Variants in EML1 observed in about 807,000 individuals in gnomAD.
EML1 encodes the protein echinoderm microtubule-associated protein-like 1.
EML1 carries 27 observed loss-of-function variants against 110.4 expected under a neutral mutation model. The ratio of observed to expected loss-of-function variants is 0.24; its 90% CI spans 0.18 to 0.34. EML1 has a LOEUF of 0.34. Ranked by LOEUF, EML1 falls within the 10% of genes least tolerant of loss-of-function variation. The pLI is 1.00. For synonymous variants in EML1, 344 were observed against 385.8 expected (o/e 0.89, Z 1.27); for missense variants, 741 against 1,030.9 (o/e 0.72, Z 3.85).
Position 99,914,676 on chromosome 14 carries a change from C to T in EML1, c.1731C>T (p.Pro577=), listed in dbSNP as rs371443414. The change falls in exon 15 of 22, where the codon CCC becomes CCT. Residue 577 remains proline (P), a synonymous_variant. Coordinates refer to ENST00000262233, the MANE Select transcript of EML1 (RefSeq NM_004434.3). ...ATLWDAVGHR[P]VWDKIIEDPA... Reference sequence around the variant, plus strand: ...TCTGGGACGCTGTGGGTCACCGTCCCGTCTGGGACAAAATAATAGAGGTAA... The same window carrying T: ...TCTGGGACGCTGTGGGTCACCGTCCTGTCTGGGACAAAATAATAGAGGTAA... 5.5e-5 allele frequency: 89 copies of T among 1,607,722 alleles called. No homozygotes were observed. Among genetic ancestry groups the T allele is most frequent in the Non-Finnish European group, 6.9e-5 (81 of 1,178,780 alleles).
chr14:99,751,428 A>G (rs998804800), intron 1 of EML1, among the ~76,000 whole-genome samples: 2 of 152,182 alleles, frequency 1.3e-5, no homozygotes, highest in Non-Finnish European at 1.5e-5. Flanking sequence ...ACTAACATTT[A>G]CTGATCAGCT....
rs1412367457 is a variant in EML1, at chr14:99,743,574, A to G, written c.28+5714A>G. 2.0e-5 allele frequency among the ~76,000 whole-genome samples: 3 copies of G among 152,162 alleles called. No homozygotes were observed. The South Asian group carries it at 6.2e-4, about 32-fold the overall frequency. On this transcript the variant is annotated intron_variant, in intron 1 of 10. Transcript: ENST00000554479. ...GCACCCACCCGCTTATCTGTTATCCATCCACAGGCCAGCACGTGGCTCTGC... is the reference window on the plus strand; with the variant it reads ...GCACCCACCCGCTTATCTGTTATCCGTCCACAGGCCAGCACGTGGCTCTGC...
upstream of EML1, chr14:99,793,327 C>G (rs2057703687): frequency 4.1e-6 from 4 of 980,728 alleles, no homozygotes; most frequent in South Asian, 1.4e-4. Flanking sequence ...GGCGGCGGGC[C>G]CGGGGTTGCC....
intron 1 of EML1, among the ~76,000 whole-genome samples, chr14:99,747,091 G>A (rs1483531126): frequency 6.6e-6 from 1 of 151,470 alleles, no homozygotes; most frequent in Non-Finnish European, 1.5e-5. Context: ...AGAAGGCTGA[G>A]GGAGGAGAAT....
chr14:99,824,602 T>C (rs79527688), intron 1 of EML1, among the ~76,000 whole-genome samples: 4,813 of 149,230 alleles, frequency 0.032, 83 homozygotes, highest in African/African-American at 0.047. Flanking sequence ...TTTTTTTTCT[T>C]CTTGTAAAAA....
At position 99,865,624 on chromosome 14, in the gene EML1, A is replaced by G. The variant is rs1306518140; in HGVS notation, c.361A>G (p.Thr121Ala). The part of the protein sequence containing the change: ...LPSPSGVRKE[T>A]AVPATKSNIK... Reference sequence around the variant, plus strand: ...ATCCCCCTCCGGGGTCAGGAAAGAAACTGCTGTGCCAGCAACCAAAAGGTG... The same window carrying G: ...ATCCCCCTCCGGGGTCAGGAAAGAAGCTGCTGTGCCAGCAACCAAAAGGTG... Residue 121 changes from threonine to alanine, a missense_variant, in exon 3 of 22, where the codon ACT becomes GCT. Around this residue, in one of 4 missense-constraint regions of EML1, gnomAD observed 226 missense variants for 255.6 expected, o/e 0.88. Transcript: ENST00000262233. The G allele has an allele frequency of 1.2e-6, 2 of 1,613,992 alleles. No individual in the cohort carries two copies. Among genetic ancestry groups the G allele is most frequent in the African/African-American group, 2.7e-5 (2 of 74,942 alleles).
At chr14:99,901,413 C>G (rs545816575) in intron 9 of EML1, among the ~76,000 whole-genome samples, 5 of 152,178 alleles carry the variant, frequency 3.3e-5, no homozygotes, top group African/African-American at 1.2e-4. Flanking sequence ...GGGTCCCGAT[C>G]CAGACCCCAA....
chr14:99,928,032 GTGGTGGTGGTGA>G (rs2060284430), intron 17 of EML1, among the ~76,000 whole-genome samples: 1 of 144,508 alleles, frequency 6.9e-6, no homozygotes, highest in Non-Finnish European at 1.5e-5. Flanking sequence ...GGTGGTGGTG[GTGGTGGTGGTGA>G]TGGTGATGGT....
At chr14:99,857,935 C>A (rs1043844639) in intron 2 of EML1, among the ~76,000 whole-genome samples, 1 of 152,062 alleles carries the variant, frequency 6.6e-6, no homozygotes, top group African/African-American at 2.4e-5. Context: ...ACTCCTAGAC[C>A]CATGCCTAAG....
chr14:99,910,213 A>G (rs764492468), intron 11 of EML1, 29 bp from the exon 12 acceptor site: 4 of 1,430,122 alleles, frequency 2.8e-6, no homozygotes, highest in African/African-American at 2.9e-5. Flanking sequence ...GATTAAATAT[A>G]TATATAATTT....
In EML1 at chr14:99,897,268, C is replaced by T. The variant is rs572848821; in HGVS notation, c.801C>T (p.Tyr267=). ...TGGAGGAGCAACTGCAGAGGCATTA[C>T]GCTGGCCACAACGATGACGTGAAGT... ...YNVEEQLQRH[Y]AGHNDDVKCL... Residue 267 remains tyrosine (Y), a synonymous_variant, in exon 7 of 22, where the codon TAC becomes TAT. Coordinates refer to ENST00000262233, the MANE Select transcript of EML1 (RefSeq NM_004434.3). 13 of 1,611,448 alleles carry T rather than the reference C, an allele frequency of 8.1e-6. No homozygotes were observed. The highest frequency in any genetic ancestry group is 3.4e-5 in the Admixed American group (2 of 59,494).
At chr14:99,865,236 A>G (rs189630168) in intron 2 of EML1, among the ~76,000 whole-genome samples, 11 of 152,338 alleles carry the variant, frequency 7.2e-5, no homozygotes, top group Admixed American at 4.6e-4. Context: ...TTAGATTCTC[A>G]TAAGGAATGC....
intron 1 of EML1, among the ~76,000 whole-genome samples, chr14:99,832,262 C>T (rs2058469950): frequency 6.6e-6 from 1 of 152,110 alleles, no homozygotes; most frequent in Non-Finnish European, 1.5e-5. Flanking sequence ...GTTTATTTAT[C>T]CATTTACTTG....
chr14:99,839,993 CAGAGCA>C (rs1399303633), intron 1 of EML1, among the ~76,000 whole-genome samples: 8 of 151,764 alleles, frequency 5.3e-5, no homozygotes, highest in Non-Finnish European at 8.8e-5. Context: ...CCGCAAGTGG[CAGAGCA>C]ATGACAGTTA....
intron 6 of EML1, 27 bp downstream of exon 6, chr14:99,894,785 C>T (rs763112095): frequency 6.3e-7 from 1 of 1,590,764 alleles, no homozygotes; most frequent in Non-Finnish European, 8.6e-7. Flanking sequence ...GATTAGGTCT[C>T]ACATGAAGTT....
intron 3 of EML1, among the ~76,000 whole-genome samples, chr14:99,873,177 T>C (rs560749967): frequency 1.3e-5 from 2 of 152,214 alleles, no homozygotes; most frequent in Non-Finnish European, 2.9e-5. Flanking sequence ...TTCTCTGGGC[T>C]CATAAGTAGA....
chr14:99,934,310 C>T (rs537435780), intron 17 of EML1, among the ~76,000 whole-genome samples: 74 of 152,354 alleles, frequency 4.9e-4, no homozygotes, highest in African/African-American at 1.7e-3. Flanking sequence ...CCGGCTTCAG[C>T]AGTCCTTTTG....
intron 1 of EML1, among the ~76,000 whole-genome samples, chr14:99,739,101 A>T (rs1451189045): frequency 0.019 from 1,847 of 98,328 alleles, 42 homozygotes; most frequent in African/African-American, 0.063. Flanking sequence ...TGAGAGAGAG[A>T]GACAGAGAGA....
At chr14:99,920,768 T>A in intron 16 of EML1, 21 bp from the exon 17 acceptor site, 1 of 1,597,284 alleles carries the variant, frequency 6.3e-7, no homozygotes, top group Non-Finnish European at 8.5e-7. Flanking sequence ...CTTACTGTGC[T>A]TTTTCTCATG....
Sources: gnomAD v4.1 joint callset for allele counts (sites outside exome capture counted in the v4.1 genomes callset) on GRCh38, gnomAD v4.1.1 for gene constraint, gnomAD v4.1.1 regional missense constraint, MANE v1.5 for transcripts, NCBI Gene and HGNC (gene_info 2026-07-23, HGNC 2026-07-21) for gene names.